FAM161A: variants seen among roughly 807,000 people sequenced by gnomAD.
FAM161A encodes the protein FAM161 centrosomal protein A.
Under a neutral mutation model 70.9 loss-of-function variants are expected in FAM161A, and 57 were observed. The observed-to-expected ratio is 0.80, with a 90% confidence interval of 0.65 to 1.00. The LOEUF (loss-of-function observed/expected upper bound fraction) is 1.00, where lower values mean the gene tolerates loss of function less well. FAM161A is among the 50% of genes least tolerant of loss of function. FAM161A has a pLI of 0.00. For missense variants in FAM161A, 880 were observed against 836.0 expected (o/e 1.05, Z -0.65); for synonymous variants, 299 against 295.7 (o/e 1.01, Z -0.12).
At chr2:61,811,999 C>CA in the FAM161A span, among the ~76,000 whole-genome samples, 2 of 152,126 alleles carry the variant, frequency 1.3e-5, no homozygotes, top group South Asian at 4.1e-4. Context: ...CCCTGTAATT[C>CA]AAAACCCCAG....
chr2:61,806,211 C>T, the FAM161A span, among the ~76,000 whole-genome samples: 1 of 151,944 alleles, frequency 6.6e-6, no homozygotes, highest in East Asian at 1.9e-4. Context: ...GAGCAAGATC[C>T]GTGATCCGTC....
downstream of FAM161A, among the ~76,000 whole-genome samples, chr2:61,820,994 T>C (rs1472460498): frequency 6.6e-6 from 1 of 152,202 alleles, no homozygotes; most frequent in Admixed American, 6.5e-5. Flanking sequence ...CATTTATATT[T>C]TCTGGTATAT....
chr2:61,844,534 A>G (rs1673137763), intron 1 of FAM161A, among the ~76,000 whole-genome samples: 2 of 151,898 alleles, frequency 1.3e-5, no homozygotes, highest in Non-Finnish European at 1.5e-5. Flanking sequence ...CCCCCTCTCT[A>G]CTAAAAATAC....
chr2:61,843,938 T>C (rs1673112302), intron 1 of FAM161A, among the ~76,000 whole-genome samples: 1 of 151,702 alleles, frequency 6.6e-6, no homozygotes, highest in Non-Finnish European at 1.5e-5. Flanking sequence ...GGTCAGGAGA[T>C]TGAGACAATC....
At chr2:61,839,372 A>G in intron 3 of FAM161A, 49 bp downstream of exon 3, 1 of 1,561,880 alleles carries the variant, frequency 6.4e-7, no homozygotes, top group Non-Finnish European at 8.8e-7. Context: ...AGCTGCATAC[A>G]CTCATCTGGC....
the FAM161A span, among the ~76,000 whole-genome samples, chr2:61,805,943 T>C: frequency 6.6e-6 from 1 of 152,156 alleles, no homozygotes; most frequent in African/African-American, 2.4e-5. Flanking sequence ...CTCAGCCAGA[T>C]GTGGTGGCTA....
At chr2:61,827,347 A>C in intron 5 of FAM161A, 89 bp from the exon 6 acceptor site, 17 of 1,322,674 alleles carry the variant, frequency 1.3e-5, no homozygotes, top group Non-Finnish European at 1.6e-5. Context: ...GCGGTGGCTC[A>C]CGCCTGTAAT....
At chr2:61,822,594 A>AT (rs1301884442), downstream of FAM161A, among the ~76,000 whole-genome samples, 6 of 151,936 alleles carry the variant, frequency 3.9e-5, no homozygotes, top group East Asian at 3.9e-4. Flanking sequence ...GTTATTTTTT[A>AT]TTTTTTTTGA....
rs767392411 is a variant in FAM161A at position 61,854,053 on chromosome 2, C to T, written c.-12G>A. On this transcript the variant is annotated 5_prime_UTR_variant, in exon 1 of 7. Transcript: ENST00000404929. Reference sequence around the variant, plus strand: ...TGGGAGGTGGCCATCGCCCCGCCTCCGAGGCCTGAGCGCCTGCGCTGGCCC... The same window carrying T: ...TGGGAGGTGGCCATCGCCCCGCCTCTGAGGCCTGAGCGCCTGCGCTGGCCC... The T allele has an allele frequency of 1.2e-5, 19 of 1,596,456 alleles. No individual in the cohort carries two copies. The highest frequency in any genetic ancestry group is 1.5e-5 in the Non-Finnish European group (18 of 1,172,082).
downstream of FAM161A, among the ~76,000 whole-genome samples, chr2:61,821,430 T>C (rs972455960): frequency 6.6e-6 from 1 of 152,300 alleles, no homozygotes; most frequent in South Asian, 2.1e-4. Context: ...ACATTTATAA[T>C]TTGCCAAAGA....
At chr2:61,851,304 G>A (rs1413739403) in intron 1 of FAM161A, among the ~76,000 whole-genome samples, 1 of 152,100 alleles carries the variant, frequency 6.6e-6, no homozygotes, top group East Asian at 1.9e-4. Flanking sequence ...AGATAAGGTT[G>A]CCCCATTAGG....
chr2:61,846,426 G>A (rs867550862), intron 1 of FAM161A, among the ~76,000 whole-genome samples: 1 of 152,210 alleles, frequency 6.6e-6, no homozygotes, highest in Non-Finnish European at 1.5e-5. Context: ...TTGGGTGGGA[G>A]TTAAATAACT....
At chr2:61,828,742 A>G (rs1672467675) in intron 5 of FAM161A, among the ~76,000 whole-genome samples, 1 of 152,248 alleles carries the variant, frequency 6.6e-6, no homozygotes, top group South Asian at 2.1e-4. Flanking sequence ...TGGAGGAAGC[A>G]AGGGATATAA....
At position 61,825,994 on chromosome 2, in the gene FAM161A, C is replaced by G. The variant is rs1304646924; in HGVS notation, c.*461G>C. 3 of 453,750 alleles carry G rather than the reference C, an allele frequency of 6.6e-6. No individual in the cohort carries two copies. Among genetic ancestry groups the G allele is most frequent in the Non-Finnish European group, 1.3e-5 (3 of 226,740 alleles). 28.1% of individuals were successfully genotyped at this position (453,750 alleles called of 1,614,324 possible). A position where few individuals can be genotyped will look rare whatever the true frequency, so the allele number is the denominator to read the frequency against. ...AGCAAAACAAGTTAGAGGATTTATT[C>G]TGTGAAATGCACTGCAGAGAAAAAG... is the stretch of plus-strand genomic sequence containing the variant. On this transcript the variant is annotated 3_prime_UTR_variant, in exon 7 of 7. Transcript: ENST00000404929.
At chr2:61,823,387 T>TATATATATATATATATATATA (rs1558470717), downstream of FAM161A, among the ~76,000 whole-genome samples, 1 of 110,848 alleles carries the variant, frequency 9.0e-6, no homozygotes, top group Non-Finnish European at 2.0e-5. Context: ...ATATATATAT[T>TATATATATATATATATATATA]GAGTCAGGGT....
At chr2:61,820,118 TCTG>T (rs1572848357), downstream of FAM161A, 7 of 433,074 alleles carry the variant, frequency 1.6e-5, no homozygotes, top group East Asian at 3.0e-4. Flanking sequence ...GGAATTGTGT[TCTG>T]CTGCATTTAA....
At chr2:61,823,942 G>C (rs1031255837), downstream of FAM161A, among the ~76,000 whole-genome samples, 3 of 152,028 alleles carry the variant, frequency 2.0e-5, no homozygotes, top group Non-Finnish European at 4.4e-5. Context: ...CTGAAAACAT[G>C]TTTGATTTAA....
chr2:61,802,335 A>G, the FAM161A span, among the ~76,000 whole-genome samples: 6 of 152,116 alleles, frequency 3.9e-5, no homozygotes, highest in African/African-American at 1.4e-4. Flanking sequence ...CTCCAGCACC[A>G]TAGGTAATCC....
chr2:61,818,764 T>C, the FAM161A span, among the ~76,000 whole-genome samples: 3 of 152,142 alleles, frequency 2.0e-5, no homozygotes, highest in South Asian at 6.2e-4. Context: ...TAATAACTTA[T>C]TCAGGTGAAG....
Sources: gnomAD v4.1 joint callset for allele counts (sites outside exome capture counted in the v4.1 genomes callset) on GRCh38, gnomAD v4.1.1 for gene constraint, MANE v1.5 for transcripts, NCBI Gene and HGNC (gene_info 2026-07-23, HGNC 2026-07-21) for gene names.